RARB: variants seen among roughly 807,000 people sequenced by gnomAD.
RARB encodes the protein HBV-activated protein.
In RARB, 17 loss-of-function variants were observed where a neutral mutation model predicts 51.9. The observed-to-expected ratio is 0.33, with a 90% CI of 0.22 to 0.49. RARB has a LOEUF of 0.49. Among genes scored for constraint, RARB ranks in the 20% least tolerant of loss-of-function variants. The pLI is 0.99. For missense variants in RARB, 369 were observed against 550.8 expected, an observed-to-expected ratio of 0.67 and a Z score of 3.30; for synonymous variants, 215 against 195.4, an observed-to-expected ratio of 1.10 and a Z score of -0.84.
At chr3:24,863,721 T>TC (rs1206841604) in intron 2 of RARB, among the ~76,000 whole-genome samples, 2 of 152,092 alleles carry the variant, frequency 1.3e-5, no homozygotes, top group African/African-American at 4.8e-5. Flanking sequence ...TTTTTTTTTT[T>TC]TAAAGGAATG....
At chr3:24,839,639 A>G (rs1332978207) in intron 1 of RARB, among the ~76,000 whole-genome samples, 1 of 137,782 alleles carries the variant, frequency 7.3e-6, no homozygotes, top group Admixed American at 7.9e-5. Context: ...CCTCAGGGGC[A>G]GAGGTTGCAG....
At chr3:25,007,124 GAT>G (rs1340732768) in intron 2 of RARB, among the ~76,000 whole-genome samples, 4 of 152,138 alleles carry the variant, frequency 2.6e-5, no homozygotes, top group African/African-American at 9.6e-5. Flanking sequence ...AAACCCAAAA[GAT>G]ACAACATGAA....
At chr3:25,527,929 A>T (rs979279626) in intron 3 of RARB, among the ~76,000 whole-genome samples, 1 of 152,242 alleles carries the variant, frequency 6.6e-6, no homozygotes, top group African/African-American at 2.4e-5. Context: ...TACTCAAAGC[A>T]TAATGAGTGC....
intron 2 of RARB, among the ~76,000 whole-genome samples, chr3:24,903,139 T>G (rs1243084466): frequency 6.6e-6 from 1 of 152,076 alleles, no homozygotes; most frequent in Non-Finnish European, 1.5e-5. Context: ...ATAAAATAAT[T>G]TTAATACTTA....
chr3:25,454,521 C>G (rs1363321946), intron 1 of RARB, among the ~76,000 whole-genome samples: 1 of 152,166 alleles, frequency 6.6e-6, no homozygotes, highest in African/African-American at 2.4e-5. Flanking sequence ...TAAAGCTCAG[C>G]TGCCCAGAGA....
At chr3:25,401,761 G>C (rs115784896) in intron 5 of RARB, among the ~76,000 whole-genome samples, 1 of 152,066 alleles carries the variant, frequency 6.6e-6, no homozygotes. Context: ...ACAGCAAAAA[G>C]ACATTGAACA....
chr3:25,223,486 A>G (rs1701991302), intron 5 of RARB, among the ~76,000 whole-genome samples: 1 of 152,200 alleles, frequency 6.6e-6, no homozygotes, highest in Non-Finnish European at 1.5e-5. Flanking sequence ...CTATTCCAAT[A>G]TATTTTTTTA....
At chr3:25,095,033 A>C (rs1699269783) in intron 3 of RARB, among the ~76,000 whole-genome samples, 2 of 152,204 alleles carry the variant, frequency 1.3e-5, no homozygotes, top group South Asian at 4.1e-4. Context: ...GTCACAGTTA[A>C]GTAGAGCTGC....
At chr3:25,146,499 G>GT (rs1413825514) in intron 4 of RARB, among the ~76,000 whole-genome samples, 1,152 of 104,248 alleles carry the variant, frequency 0.011, 53 homozygotes, top group East Asian at 0.013. Context: ...TAAGTTTTTT[G>GT]TTTGTTTGTT....
chr3:24,886,360 C>G (rs1559383197), intron 2 of RARB, among the ~76,000 whole-genome samples: 1 of 152,080 alleles, frequency 6.6e-6, no homozygotes, highest in South Asian at 2.1e-4. Flanking sequence ...AGCTGGCTCA[C>G]CTAATCCTTA....
intron 3 of RARB, among the ~76,000 whole-genome samples, chr3:25,541,543 A>G (rs1422135894): frequency 6.6e-6 from 1 of 152,208 alleles, no homozygotes; most frequent in African/African-American, 2.4e-5. Flanking sequence ...ATTCTTTTGC[A>G]TCATCTTGCA....
At chr3:25,283,230 C>G (rs1441331569) in intron 5 of RARB, among the ~76,000 whole-genome samples, 3 of 152,190 alleles carry the variant, frequency 2.0e-5, no homozygotes, top group Non-Finnish European at 2.9e-5. Flanking sequence ...TCTGTCCTCT[C>G]TTAGAATGAT....
At chr3:24,887,419 G>T (rs141065103) in intron 2 of RARB, among the ~76,000 whole-genome samples, 84 of 152,328 alleles carry the variant, frequency 5.5e-4, no homozygotes, top group African/African-American at 2.0e-3. Flanking sequence ...GCCTGCTGAG[G>T]CTGGCTTCTC....
At chr3:24,938,470 T>A (rs1181483825) in intron 2 of RARB, among the ~76,000 whole-genome samples, 1 of 152,186 alleles carries the variant, frequency 6.6e-6, no homozygotes, top group Non-Finnish European at 1.5e-5. Flanking sequence ...TTCTCGTTAA[T>A]TAAAAAATTT....
chr3:25,591,062 G>T (rs1432946077), intron 5 of RARB, among the ~76,000 whole-genome samples: 1 of 152,214 alleles, frequency 6.6e-6, no homozygotes, highest in African/African-American at 2.4e-5. Flanking sequence ...AGGTCAACCA[G>T]TTGGGAAACC....
At chr3:25,218,717 C>A (rs747472965) in intron 5 of RARB, among the ~76,000 whole-genome samples, 1 of 152,206 alleles carries the variant, frequency 6.6e-6, no homozygotes, top group East Asian at 1.9e-4. Context: ...ATGTGCCCTG[C>A]TCCCTGTGAT....
chr3:25,110,051 C>G (rs1699574832), intron 3 of RARB, among the ~76,000 whole-genome samples: 1 of 152,134 alleles, frequency 6.6e-6, no homozygotes, highest in South Asian at 2.1e-4. Context: ...GTTTACAATT[C>G]TTGACATTAA....
intron 3 of RARB, 72 bp from the exon 4 acceptor site, chr3:25,569,686 T>C (rs990079045): frequency 1.4e-5 from 21 of 1,513,426 alleles, no homozygotes; most frequent in Non-Finnish European, 1.9e-5. Context: ...CCTTGGGAGG[T>C]GGAACCTCCC....
chr3:24,962,224 C>T (rs746902714), intron 2 of RARB, among the ~76,000 whole-genome samples: 51 of 151,266 alleles, frequency 3.4e-4, no homozygotes, highest in African/African-American at 4.4e-4. Context: ...CCACCTCGCC[C>T]GGCCCCTTTG....
Sources: gnomAD v4.1 joint callset for allele counts (sites outside exome capture counted in the v4.1 genomes callset) on GRCh38, gnomAD v4.1.1 for gene constraint, MANE v1.5 for transcripts, NCBI Gene and HGNC (gene_info 2026-07-23, HGNC 2026-07-21) for gene names.